Variants in TEP1 observed in about 807,000 individuals in gnomAD.
The protein encoded by TEP1 is telomerase associated protein 1.
A neutral mutation model predicts 306.3 loss-of-function variants in TEP1; 241 were observed. That is an observed-to-expected ratio of 0.79 (90% CI 0.71 to 0.88). The LOEUF is 0.88. Ranked by LOEUF, TEP1 falls within the 40% of genes least tolerant of loss-of-function variation. The pLI, the probability that TEP1 is intolerant of heterozygous loss-of-function variation, is 0.00. For synonymous variants in TEP1, 1,289 were observed against 1,305.5 expected (o/e 0.99, Z 0.27); for missense variants, 3,051 against 3,276.1 (o/e 0.93, Z 1.68).
At chr14:20,396,880 G>A (rs1878250473) in intron 9 of TEP1, 150 bp from the exon 10 acceptor site, 1 of 483,460 alleles carries the variant, frequency 2.1e-6, no homozygotes, top group Non-Finnish European at 3.7e-6. Context: ...GGGCAACATA[G>A]CAAGACTGTC....
chr14:20,394,225 AGCACCT>A (rs1877985594), intron 12 of TEP1, among the ~76,000 whole-genome samples: 1 of 152,206 alleles, frequency 6.6e-6, no homozygotes, highest in African/African-American at 2.4e-5. Flanking sequence ...TACAAGTGCA[AGCACCT>A]GCACCTGGCT....
chr14:20,384,182 G>A lies in TEP1; in HGVS notation c.3390C>T (p.Val1130=). Residue 1130 remains valine, a synonymous_variant, in exon 24 of 55, where the codon GTC becomes GTT. Coordinates refer to ENST00000262715, the MANE Select transcript of TEP1 (RefSeq NM_007110.5). The stretch of plus-strand genomic sequence containing the variant: ...TCTGCAGCTGCTGGAAGGTGGCCTG[G>A]ACCAAGTCATCGTCTGGGATGGACA... ...QPVSIPDDDL[V]QATFQQLQKP... 6.2e-7 allele frequency: 1 copy of A among 1,614,194 alleles called. No homozygotes were observed. The highest frequency in any genetic ancestry group is 8.5e-7 in the Non-Finnish European group (1 of 1,180,036).
chr14:20,373,619 C>G, intron 45 of TEP1, 36 bp from the exon 46 acceptor site: 3 of 1,614,062 alleles, frequency 1.9e-6, no homozygotes, highest in Non-Finnish European at 2.5e-6. Flanking sequence ...GAAGAAGGGA[C>G]GGAGCAGGGG....
At position 20,382,581 on chromosome 14, in the gene TEP1, T is replaced by C. The variant is rs751412269; in HGVS notation, c.4140+42A>G. The stretch of plus-strand genomic sequence containing the variant: ...TGAGACAAAGCAGCTGAAGAGAGAA[T>C]GGGAAGTAGTGATTAGGACTTGGAA... On this transcript the variant is annotated intron_variant, in intron 28 of 54. Transcript: ENST00000262715. 3 of 1,604,504 alleles carry C rather than the reference T, an allele frequency of 1.9e-6. No individual in the cohort carries two copies. In the East Asian group the frequency reaches 6.7e-5, roughly 36 times the overall value.
Position 20,381,970 on chromosome 14 carries a change from T to A in TEP1, c.4367A>T (p.Asn1456Ile). Residue 1456 changes from asparagine (N) to isoleucine (I), a missense_variant, in exon 30 of 55, where the codon AAC (asparagine) becomes ATC (isoleucine). Physicochemically the swap from Asn to Ile is moderately radical, Grantham distance 149 (BLOSUM62 -3). Coordinates refer to ENST00000262715, the MANE Select transcript of TEP1 (RefSeq NM_007110.5). This position sits in a 1 kb window ranked among gnomAD's most constrained non-coding sequence, Gnocchi z 4.0. ...KSWEEAVAAG[N>I]SGDPYPMGPF... ...GCCCATGGGGTAGGGGTCTCCACTG[T>A]TACCAGCAGCCACTGCTTCTTCCCA... 6.2e-7 allele frequency: 1 copy of A among 1,614,138 alleles called. No individual in the cohort carries two copies. The highest frequency in any genetic ancestry group is 1.6e-4 in the Middle Eastern group (1 of 6,062).
chr14:20,381,687 C>T lies in TEP1; in HGVS notation c.4425-1G>A, dbSNP rs1335394807. ...CTCCAGAGGGCCCTCCCCTAGCAAA[C>T]TGTCCTCGTGTGAGGAAGGGAGAGA... On this transcript the variant is annotated splice_acceptor_variant, in intron 30 of 54. Coordinates refer to ENST00000262715, the MANE Select transcript of TEP1 (RefSeq NM_007110.5). LOFTEE classifies it high-confidence loss of function. The surrounding 1 kb of genome is among the most constrained non-coding windows in gnomAD (Gnocchi z 4.0). 2 of 1,600,492 alleles carry T rather than the reference C, an allele frequency of 1.2e-6. No individual in the cohort carries two copies. The highest frequency in any genetic ancestry group is 8.5e-7 in the Non-Finnish European group (1 of 1,173,894).
chr14:20,375,343 A>G (rs752272754), intron 43 of TEP1, among the ~76,000 whole-genome samples: 2 of 151,938 alleles, frequency 1.3e-5, no homozygotes, highest in Non-Finnish European at 2.9e-5. Flanking sequence ...TTTAGTAGAG[A>G]CAGGGTTTCT....
At chr14:20,384,922 G>A in intron 21 of TEP1, 63 bp downstream of exon 21, 34 of 1,609,908 alleles carry the variant, frequency 2.1e-5, no homozygotes, top group Non-Finnish European at 2.8e-5. Context: ...ATACTGAGGA[G>A]AGAAGACTGG....
chr14:20,384,753 C>T (rs1876974317), intron 21 of TEP1, 40 bp from the exon 22 acceptor site: 1 of 1,578,138 alleles, frequency 6.3e-7, no homozygotes, highest in Admixed American at 1.7e-5. Context: ...TAGACTCAGA[C>T]CCCAGCCAGC....
intron 5 of TEP1, 38 bp downstream of exon 5, chr14:20,404,573 G>A (rs1879018568): frequency 1.3e-6 from 2 of 1,588,238 alleles, no homozygotes; most frequent in South Asian, 1.1e-5. Flanking sequence ...GAGAAGGAAT[G>A]AAGTGAAGGC....
chr14:20,387,921 G>A lies in TEP1; in HGVS notation c.2668C>T (p.Pro890Ser), dbSNP rs552770900. The A allele has an allele frequency of 1.1e-5, 18 of 1,606,738 alleles. No homozygotes were observed. Among genetic ancestry groups the A allele is most frequent in the Admixed American group, 6.9e-5 (4 of 57,560 alleles). The part of the protein sequence containing the change: ...LEEDTPSPLA[P>S]VSQQGWRSIR... ...CAGACTGACCCTTGCTGGGAAACAG[G>A]AGCCAAGGGGCTTGGAGTGTCCTCT... The change falls in exon 18 of 55, where the codon CCT becomes TCT. Residue 890 changes from proline (P) to serine (S), a missense_variant. Coordinates refer to ENST00000262715, the MANE Select transcript of TEP1 (RefSeq NM_007110.5).
At chr14:20,406,132 ACCTTCC>A in intron 3 of TEP1, 95 bp downstream of exon 3, 2 of 1,148,106 alleles carry the variant, frequency 1.7e-6, no homozygotes, top group Non-Finnish European at 2.5e-6. Flanking sequence ...TTGTATCCCT[ACCTTCC>A]CCTTCCAACT....
chr14:20,392,858 T>C (rs1229517543), intron 12 of TEP1, among the ~76,000 whole-genome samples: 1 of 152,214 alleles, frequency 6.6e-6, no homozygotes, highest in Non-Finnish European at 1.5e-5. Flanking sequence ...AAATAAAATG[T>C]GTCTTATTAT....
In TEP1 at chr14:20,379,018, C is replaced by A; in HGVS notation, c.5215G>T (p.Gly1739Trp). 6.2e-7 allele frequency: 1 copy of A among 1,614,210 alleles called. No individual in the cohort carries two copies. Among genetic ancestry groups the A allele is most frequent in the Non-Finnish European group, 8.5e-7 (1 of 1,180,046 alleles). Reference protein sequence around the residue: ...DDTLFLTAFDGLLELWDLQHG... With the variant: ...DDTLFLTAFDWLLELWDLQHG... ...TGCAGGTCCCAGAGCTCCAGGAGCC[C>A]GTCGAAGGCAGTAAGAAAGAGTGTA... The change falls in exon 36 of 55, where the codon GGG (glycine) becomes TGG (tryptophan). Residue 1739 changes from glycine to tryptophan, a missense_variant. Gly to Trp is a radical substitution (Grantham distance 184, BLOSUM62 -2). This residue lies in a region of TEP1 where 1,540 missense variants were observed against 1,705.9 expected (regional missense o/e 0.90). Transcript: ENST00000262715.
chr14:20,372,880 T>G (rs753901702), intron 48 of TEP1, 23 bp from the exon 49 acceptor site: 10 of 1,614,000 alleles, frequency 6.2e-6, no homozygotes, highest in Admixed American at 1.7e-5. Flanking sequence ...ACAAGTTCAA[T>G]TCAGTGCTTC....
At position 20,376,187 on chromosome 14, in the gene TEP1, C is replaced by G. The variant is rs1885166282; in HGVS notation, c.6166G>C (p.Glu2056Gln). ...ACAGGGCCCTCATGTCCCCGCAGCTCAGTGCCACAGGGAAAGTCTTCTGCC... is the reference window on the plus strand; with the variant it reads ...ACAGGGCCCTCATGTCCCCGCAGCTGAGTGCCACAGGGAAAGTCTTCTGCC... Reference protein sequence around the residue: ...HKAEDFPCGTELRGHEGPVSC... With the variant: ...HKAEDFPCGTQLRGHEGPVSC... Residue 2056 changes from glutamate to glutamine, a missense_variant, in exon 42 of 55, where the codon GAG becomes CAG. Physicochemically the swap from Glu to Gln is conservative, Grantham distance 29. Coordinates refer to ENST00000262715, the MANE Select transcript of TEP1 (RefSeq NM_007110.5). 6.2e-7 allele frequency: 1 copy of G among 1,614,198 alleles called. No individual in the cohort carries two copies. Among genetic ancestry groups the G allele is most frequent in the Non-Finnish European group, 8.5e-7 (1 of 1,180,042 alleles).
At chr14:20,387,500 C>G in intron 18 of TEP1, among the ~76,000 whole-genome samples, 1 of 148,690 alleles carries the variant, frequency 6.7e-6, no homozygotes, top group Middle Eastern at 3.4e-3. Flanking sequence ...TGCAGTGAGC[C>G]GAGATCACGC....
chr14:20,379,071 A>G lies in TEP1; in HGVS notation c.5162T>C (p.Ile1721Thr), dbSNP rs1885374887. ...ATCGGAGAGGAACAAACAAGCAGAG[A>G]TTCCATCACAGCCACTCACCACAGA... ...EKSVVSGCDGISACLFLSDDT... is the reference protein window; with the variant it reads ...EKSVVSGCDGTSACLFLSDDT... The change falls in exon 36 of 55, where the codon ATC becomes ACC. Residue 1721 changes from isoleucine (I) to threonine (T), a missense_variant. Ile to Thr is a moderately conservative substitution (Grantham distance 89, BLOSUM62 -1). Coordinates refer to ENST00000262715, the MANE Select transcript of TEP1 (RefSeq NM_007110.5). 1.2e-6 allele frequency: 2 copies of G among 1,614,040 alleles called. No homozygotes were observed. Among genetic ancestry groups the G allele is most frequent in the Admixed American group, 1.7e-5 (1 of 60,000 alleles).
Position 20,381,651 on chromosome 14 carries a change from G to A in TEP1, c.4460C>T (p.Ala1487Val), listed in dbSNP as rs1260417287. ...LGEGPLERPGARLCLPDGPLR... is the reference protein window; with the variant it reads ...LGEGPLERPGVRLCLPDGPLR... ...GGGCCCATCAGGGAGGCACAGCCGG[G>A]CACCAGGGCGCTCCAGAGGGCCCTC... is the stretch of plus-strand genomic sequence containing the variant. Residue 1487 changes from alanine (A) to valine (V), a missense_variant, in exon 31 of 55, where the codon GCC becomes GTC. By Grantham distance (64) the Ala-to-Val change is moderately conservative. This residue lies in a region of TEP1 where 1,540 missense variants were observed against 1,705.9 expected (regional missense o/e 0.90). Coordinates refer to ENST00000262715, the MANE Select transcript of TEP1 (RefSeq NM_007110.5). This position sits in a 1 kb window ranked among gnomAD's most constrained non-coding sequence, Gnocchi z 4.0. 6.2e-7 allele frequency: 1 copy of A among 1,612,754 alleles called. No homozygotes were observed. The highest frequency in any genetic ancestry group is 8.5e-7 in the Non-Finnish European group (1 of 1,179,470).
Sources: allele counts gnomAD v4.1 joint callset (sites outside exome capture counted in the v4.1 genomes callset), GRCh38; gene constraint gnomAD v4.1.1; regional missense constraint gnomAD v4.1.1; non-coding constraint Gnocchi (gnomAD v3.1); transcripts MANE v1.5; gene names NCBI Gene and HGNC (gene_info 2026-07-23, HGNC 2026-07-21).